Variants in SLIT3 observed in about 807,000 individuals in gnomAD.
SLIT3 encodes slit guidance ligand 3.
In SLIT3, 68 loss-of-function variants were observed where a neutral mutation model predicts 184.0. The observed-to-expected ratio is 0.37, with a 90% CI of 0.30 to 0.45. SLIT3 has a LOEUF of 0.45. SLIT3 is among the 20% of genes least tolerant of loss of function. The probability of loss-of-function intolerance (pLI) is 1.00; values close to 1 mark genes in which losing one functional copy is unlikely to be tolerated. For missense variants in SLIT3, 1,707 were observed against 2,026.0 expected, an observed-to-expected ratio of 0.84 and a Z score of 3.02; for synonymous variants, 831 against 828.6, an observed-to-expected ratio of 1.00 and a Z score of -0.05.
chr5:168,770,507 C>G (rs1755510567), intron 14 of SLIT3, among the ~76,000 whole-genome samples: 1 of 152,144 alleles, frequency 6.6e-6, no homozygotes, highest in Admixed American at 6.5e-5. Context: ...GTCTGGAACC[C>G]CATGTTTCTC....
rs1012266222 is a variant in SLIT3 at position 168,929,709 on chromosome 5, C to T, written c.414-46373G>A. Among the ~76,000 whole-genome samples the T allele has an allele frequency of 5.3e-5, 8 of 152,208 alleles. 1 individual carries two copies. The highest frequency in any genetic ancestry group is 8.8e-5 in the Non-Finnish European group (6 of 68,038). ...CCTGAGAAGTCTATTTGTACATGAG[C>T]AGATAGTAAAACCTAGCACCTATGG... On this transcript the variant is annotated intron_variant, in intron 4 of 35. Transcript: ENST00000519560.
chr5:169,103,562 T>C (rs1369795910), intron 4 of SLIT3, among the ~76,000 whole-genome samples: 1 of 152,242 alleles, frequency 6.6e-6, no homozygotes, highest in African/African-American at 2.4e-5. Flanking sequence ...GTATATTTTA[T>C]TTCTCTTTGC....
In SLIT3 at chr5:168,910,745, C is replaced by CA. The variant is rs11308973; in HGVS notation, c.414-27410dup. On this transcript the variant is annotated intron_variant, in intron 4 of 35. Transcript: ENST00000519560. ...TGGGCGACAGAGTGAGACTCTGTCTCAAAAAAAAAAAAAAGAAAAAAGAAG... is the reference window on the plus strand; with the variant it reads ...TGGGCGACAGAGTGAGACTCTGTCTCAAAAAAAAAAAAAAAGAAAAAAGAAG... 8.7e-3 allele frequency among the ~76,000 whole-genome samples: 973 copies of CA among 111,920 alleles called. 9 individuals carry two copies. Among genetic ancestry groups the CA allele is most frequent in the African/African-American group, 0.025 (695 of 27,452 alleles). 73.4% of individuals were successfully genotyped at this position (111,920 alleles called of 152,430 possible). A position where few individuals can be genotyped will look rare whatever the true frequency, so the allele number is the denominator to read the frequency against.
intron 4 of SLIT3, among the ~76,000 whole-genome samples, chr5:168,924,714 T>C (rs939566901): frequency 6.6e-6 from 1 of 152,182 alleles, no homozygotes; most frequent in South Asian, 2.1e-4. Context: ...GGTTTTGCCA[T>C]GTTGCCCAGG....
chr5:168,784,912 T>C (rs1756099289), intron 12 of SLIT3, among the ~76,000 whole-genome samples: 1 of 149,910 alleles, frequency 6.7e-6, no homozygotes, highest in African/African-American at 2.5e-5. Context: ...TGCACACCTC[T>C]GCAAACATAC....
At position 169,272,819 on chromosome 5, in the gene SLIT3, C is replaced by T. The variant is rs563385055; in HGVS notation, c.198-21360G>A. On this transcript the variant is annotated intron_variant, in intron 1 of 35. Transcript: ENST00000519560. ...TTGAGAGCAGCTGGCACTTCTGAAT[C>T]CTCTGGGCCCCCGGGACCTGGGCTG... 2.1e-3 allele frequency among the ~76,000 whole-genome samples: 313 copies of T among 152,302 alleles called. 2 individuals are homozygous for T. The highest frequency in any genetic ancestry group is 7.1e-3 in the African/African-American group (296 of 41,564).
chr5:168,956,640 A>C (rs566087502), intron 4 of SLIT3, among the ~76,000 whole-genome samples: 14 of 151,800 alleles, frequency 9.2e-5, no homozygotes, highest in Non-Finnish European at 2.1e-4. Context: ...CTAAAAACAC[A>C]AAAATTAGCT....
chr5:168,745,457 G>C (rs1490332315), intron 20 of SLIT3, among the ~76,000 whole-genome samples: 2 of 151,420 alleles, frequency 1.3e-5, no homozygotes, highest in East Asian at 3.9e-4. Context: ...TATTGCCCAA[G>C]CTGGAGTGCA....
chr5:169,098,538 C>T (rs567887816), intron 4 of SLIT3, among the ~76,000 whole-genome samples: 4 of 152,280 alleles, frequency 2.6e-5, no homozygotes, highest in African/African-American at 9.6e-5. Flanking sequence ...CATTGCATGA[C>T]GCTAGTGTTC....
chr5:168,979,625 C>T (rs939738545), intron 4 of SLIT3, among the ~76,000 whole-genome samples: 1 of 152,216 alleles, frequency 6.6e-6, no homozygotes, highest in Non-Finnish European at 1.5e-5. Context: ...CCACTCTCCA[C>T]AGCCTGGAGA....
chr5:168,925,951 A>G (rs1379169759), intron 4 of SLIT3, among the ~76,000 whole-genome samples: 1 of 152,230 alleles, frequency 6.6e-6, no homozygotes, highest in African/African-American at 2.4e-5. Context: ...AGAATCCTGG[A>G]ATCTCCACTG....
intron 1 of SLIT3, among the ~76,000 whole-genome samples, chr5:169,287,969 T>G (rs998083766): frequency 6.6e-6 from 1 of 152,206 alleles, no homozygotes; most frequent in African/African-American, 2.4e-5. Flanking sequence ...ACCCCATGCT[T>G]AGGCAAACTT....
intron 8 of SLIT3, among the ~76,000 whole-genome samples, chr5:168,816,641 T>G (rs1474294953): frequency 6.6e-6 from 1 of 152,206 alleles, no homozygotes; most frequent in African/African-American, 2.4e-5. Context: ...TACATTTCGA[T>G]TACCCACAGA....
chr5:169,293,066 T>C (rs1767403367), intron 1 of SLIT3, among the ~76,000 whole-genome samples: 1 of 152,218 alleles, frequency 6.6e-6, no homozygotes, highest in Non-Finnish European at 1.5e-5. Context: ...GAACTATGGA[T>C]GGAGTACGAG....
intron 1 of SLIT3, among the ~76,000 whole-genome samples, chr5:169,260,017 C>G (rs377696099): frequency 6.6e-6 from 1 of 152,138 alleles, no homozygotes; most frequent in African/African-American, 2.4e-5. Context: ...CAATGTGTGA[C>G]GCCTCCACAT....
At chr5:168,815,906 A>G (rs72827662) in intron 8 of SLIT3, among the ~76,000 whole-genome samples, 18,100 of 152,140 alleles carry the variant, frequency 0.12, 1,161 homozygotes, top group African/African-American at 0.17. Context: ...ACAGTGCTTA[A>G]GCTCCCTGGG....
In SLIT3 at chr5:168,687,228, A is replaced by C. The variant is rs540559703; in HGVS notation, c.3177-112T>G. On this transcript the variant is annotated intron_variant, in intron 29 of 35. Transcript: ENST00000519560. ...TCTCCCCATCTCTTCTATCTACCCA[A>C]GTTCCTTTGGGATCTGCAAAGCCTG... 2.6e-5 allele frequency: 33 copies of C among 1,257,872 alleles called. No individual in the cohort carries two copies. The Admixed American group carries it at 6.4e-4, about 24-fold the overall frequency. The allele number at this position is 1,257,872 out of a possible 1,614,324, so 77.9% of individuals were successfully genotyped here.
intron 4 of SLIT3, among the ~76,000 whole-genome samples, chr5:169,004,027 A>G (rs1379001854): frequency 6.6e-6 from 1 of 152,166 alleles, no homozygotes; most frequent in East Asian, 1.9e-4. Context: ...GCATAATCCA[A>G]GAATTATTCC....
intron 12 of SLIT3, among the ~76,000 whole-genome samples, chr5:168,779,133 C>T (rs943717772): frequency 1.3e-5 from 2 of 152,202 alleles, no homozygotes; most frequent in African/African-American, 4.8e-5. Context: ...ACAGGTGACC[C>T]TTCTGGGGCT....
Sources: allele counts gnomAD v4.1 joint callset (sites outside exome capture counted in the v4.1 genomes callset), GRCh38; gene constraint gnomAD v4.1.1; transcripts MANE v1.5; gene names NCBI Gene and HGNC (gene_info 2026-07-23, HGNC 2026-07-21).